The following CNTN5 variants were observed in gnomAD, a reference collection of about 807,000 sequenced individuals.
CNTN5 encodes contactin 5.
Under a neutral mutation model 129.1 loss-of-function variants are expected in CNTN5, and 77 were observed. The observed-to-expected ratio is 0.60, with a 90% CI of 0.50 to 0.72. The LOEUF is 0.72. CNTN5 is among the 30% of genes least tolerant of loss of function. The pLI, the probability that CNTN5 is intolerant of heterozygous loss-of-function variation, is 0.00. For synonymous variants in CNTN5, 509 were observed against 465.6 expected (o/e 1.09, Z -1.20); for missense variants, 1,478 against 1,328.8 (o/e 1.11, Z -1.75).
At chr11:100,107,719 A>C (rs570138223) in intron 13 of CNTN5, among the ~76,000 whole-genome samples, 1 of 152,190 alleles carries the variant, frequency 6.6e-6, no homozygotes, top group South Asian at 2.1e-4. Context: ...TCAATCAATA[A>C]ATTGTTATGA....
At chr11:99,190,657 T>C (rs1296940769) in intron 1 of CNTN5, among the ~76,000 whole-genome samples, 2 of 151,770 alleles carry the variant, frequency 1.3e-5, no homozygotes, top group Admixed American at 6.6e-5. Flanking sequence ...GTATTGTAAA[T>C]GGGATTGTTT....
chr11:99,365,225 A>G (rs906245004), intron 2 of CNTN5, among the ~76,000 whole-genome samples: 3 of 152,200 alleles, frequency 2.0e-5, no homozygotes, highest in Non-Finnish European at 2.9e-5. Context: ...TAAAATGAGT[A>G]TGATAACAAT....
intron 1 of CNTN5, among the ~76,000 whole-genome samples, chr11:99,243,899 G>C (rs576248449): frequency 6.6e-6 from 1 of 151,942 alleles, no homozygotes; most frequent in South Asian, 2.1e-4. Context: ...TCGGCAATGT[G>C]ATGCCTCCAG....
At chr11:99,245,787 TTTG>T (rs999767443) in intron 1 of CNTN5, among the ~76,000 whole-genome samples, 11 of 152,154 alleles carry the variant, frequency 7.2e-5, no homozygotes, top group African/African-American at 2.7e-4. Context: ...CAGATAAATC[TTTG>T]TTGTAGGGGA....
chr11:99,862,980 A>C (rs1214824155), intron 6 of CNTN5, among the ~76,000 whole-genome samples: 1 of 152,110 alleles, frequency 6.6e-6, no homozygotes, highest in Non-Finnish European at 1.5e-5. Flanking sequence ...TGATTACACT[A>C]AAAAGTATAA....
intron 1 of CNTN5, among the ~76,000 whole-genome samples, chr11:99,229,347 A>G (rs936518873): frequency 2.0e-5 from 3 of 152,074 alleles, no homozygotes; most frequent in African/African-American, 7.2e-5. Flanking sequence ...ATGGTCTTTA[A>G]GTCACTTTTC....
intron 2 of CNTN5, among the ~76,000 whole-genome samples, chr11:99,416,793 G>T (rs560986920): frequency 1.3e-5 from 2 of 152,272 alleles, no homozygotes; most frequent in South Asian, 4.1e-4. Context: ...AAGGGGCTAT[G>T]TGCAAAACAA....
At chr11:99,513,786 T>A (rs1017691624) in intron 2 of CNTN5, among the ~76,000 whole-genome samples, 30 of 152,032 alleles carry the variant, frequency 2.0e-4, no homozygotes, top group African/African-American at 6.5e-4. Flanking sequence ...AAGCACCTGG[T>A]CATGCAAGAG....
intron 15 of CNTN5, among the ~76,000 whole-genome samples, chr11:100,201,270 T>C (rs965411478): frequency 1.3e-5 from 2 of 151,976 alleles, no homozygotes; most frequent in East Asian, 1.9e-4. Context: ...TAATTGTACA[T>C]TGAAGAGCAA....
At chr11:99,951,113 T>C (rs1370189113) in intron 7 of CNTN5, among the ~76,000 whole-genome samples, 2 of 152,266 alleles carry the variant, frequency 1.3e-5, no homozygotes, top group East Asian at 3.9e-4. Flanking sequence ...TTAAATAGCT[T>C]TCCTAAAGGT....
chr11:99,420,282 A>G (rs1414568872), intron 2 of CNTN5, among the ~76,000 whole-genome samples: 1 of 151,972 alleles, frequency 6.6e-6, no homozygotes, highest in East Asian at 1.9e-4. Context: ...AACGTAAGTC[A>G]AAAAAAATCT....
At chr11:100,038,296 C>T (rs1942150996) in intron 9 of CNTN5, among the ~76,000 whole-genome samples, 1 of 152,088 alleles carries the variant, frequency 6.6e-6, no homozygotes, top group Non-Finnish European at 1.5e-5. Flanking sequence ...GTTTCTTAAT[C>T]CTGAGTTCTA....
At chr11:99,465,966 C>T (rs1249890613) in intron 2 of CNTN5, among the ~76,000 whole-genome samples, 2 of 149,604 alleles carry the variant, frequency 1.3e-5, no homozygotes, top group East Asian at 4.0e-4. Flanking sequence ...ACTGCAAGCT[C>T]CGCCTCCTGG....
At chr11:99,578,832 A>T (rs567896859) in intron 3 of CNTN5, among the ~76,000 whole-genome samples, 1 of 152,146 alleles carries the variant, frequency 6.6e-6, no homozygotes, top group Non-Finnish European at 1.5e-5. Context: ...TCTTTAGTTT[A>T]ATTAGATCCC....
intron 1 of CNTN5, among the ~76,000 whole-genome samples, chr11:99,066,012 G>A (rs1865087370): frequency 2.0e-5 from 3 of 152,016 alleles, no homozygotes; most frequent in Admixed American, 2.0e-4. Flanking sequence ...TTATAAATTA[G>A]CATACACATA....
At chr11:99,598,192 C>T (rs1405632992) in intron 3 of CNTN5, among the ~76,000 whole-genome samples, 2 of 152,132 alleles carry the variant, frequency 1.3e-5, no homozygotes, top group Middle Eastern at 3.4e-3. Context: ...ATCCATGCTA[C>T]CCCCATTCCT....
intron 1 of CNTN5, among the ~76,000 whole-genome samples, chr11:99,071,254 G>T (rs919834002): frequency 2.0e-5 from 3 of 152,082 alleles, no homozygotes; most frequent in Admixed American, 1.3e-4. Flanking sequence ...GACCTGTCTG[G>T]CTCCAAACAG....
chr11:99,249,226 C>A (rs1861976459), intron 1 of CNTN5, among the ~76,000 whole-genome samples: 1 of 152,084 alleles, frequency 6.6e-6, no homozygotes, highest in South Asian at 2.1e-4. Context: ...CTCTTTGAAG[C>A]AATTGTGAAT....
intron 1 of CNTN5, among the ~76,000 whole-genome samples, chr11:99,036,885 C>T (rs1490429111): frequency 6.6e-6 from 1 of 152,280 alleles, no homozygotes; most frequent in East Asian, 1.9e-4. Flanking sequence ...CAGTGATGTT[C>T]TGAGTTGATC....
Sources: allele counts gnomAD v4.1 joint callset (sites outside exome capture counted in the v4.1 genomes callset), GRCh38; gene constraint gnomAD v4.1.1; transcripts MANE v1.5; gene names NCBI Gene and HGNC (gene_info 2026-07-23, HGNC 2026-07-21).